Variants in CNBD1 observed in about 807,000 individuals in gnomAD.
CNBD1 encodes cyclic nucleotide binding domain containing 1, also known as cyclic nucleotide-binding domain-containing protein 1.
In CNBD1, 71 loss-of-function variants were observed where a neutral mutation model predicts 54.4. That is an observed-to-expected ratio of 1.30 (90% CI 1.08 to 1.59). CNBD1 has a LOEUF of 1.59. Ranked by LOEUF, CNBD1 falls within the 40% of genes most tolerant of loss-of-function variation. The pLI, the probability that CNBD1 is intolerant of heterozygous loss-of-function variation, is 0.00. For synonymous variants in CNBD1, 182 were observed against 170.7 expected, an observed-to-expected ratio of 1.07 and a Z score of -0.51; for missense variants, 659 against 518.0, an observed-to-expected ratio of 1.27 and a Z score of -2.64.
intron 2 of CNBD1, among the ~76,000 whole-genome samples, chr8:87,412,290 A>T (rs1197808602): frequency 6.6e-6 from 1 of 152,116 alleles, no homozygotes; most frequent in Non-Finnish European, 1.5e-5. Context: ...TCTAAATGTT[A>T]AAACTAAGAT....
downstream of CNBD1, among the ~76,000 whole-genome samples, chr8:87,385,583 G>A (rs533535189): frequency 4.3e-4 from 65 of 152,154 alleles, no homozygotes; most frequent in South Asian, 2.5e-3. Context: ...GGCGCCCACC[G>A]TTGCCGAGGC....
rs892209519 is a variant in CNBD1 at position 87,163,444 on chromosome 8, C to T, written c.432-42549C>T. ...ATAATTTAATATTAATTTCTTCAAC[C>T]CATGAATACAAGGTATCTTTCCATT... On this transcript the variant is annotated intron_variant, in intron 4 of 10. Transcript: ENST00000518476. The surrounding 1 kb of genome is among the most constrained non-coding windows in gnomAD (Gnocchi z 4.5). Among the ~76,000 whole-genome samples the T allele has an allele frequency of 4.0e-5, 6 of 151,834 alleles. No individual in the cohort carries two copies. The highest frequency in any genetic ancestry group is 1.5e-4 in the African/African-American group (6 of 41,374).
At chr8:87,092,104 G>A (rs1323802862) in intron 4 of CNBD1, among the ~76,000 whole-genome samples, 1 of 152,098 alleles carries the variant, frequency 6.6e-6, no homozygotes, top group Non-Finnish European at 1.5e-5. Context: ...GAGGAGCAAA[G>A]ACATAGCAAG....
At chr8:87,013,520 C>A (rs565215959) in intron 4 of CNBD1, among the ~76,000 whole-genome samples, 58 of 151,590 alleles carry the variant, frequency 3.8e-4, no homozygotes, top group African/African-American at 1.4e-3. Flanking sequence ...TCTCTATTTT[C>A]TTTTCTGCTT....
rs139106100 is a variant in CNBD1 at position 87,256,320 on chromosome 8, C to A, written c.771+19208C>A. Among the ~76,000 whole-genome samples, 597 of 151,542 alleles carry A rather than the reference C, an allele frequency of 3.9e-3. 3 individuals are homozygous for A. Among genetic ancestry groups the A allele is most frequent in the African/African-American group, 0.014 (563 of 41,288 alleles). On this transcript the variant is annotated intron_variant, in intron 6 of 10. Coordinates refer to ENST00000518476, the MANE Select transcript of CNBD1 (RefSeq NM_173538.3). The stretch of plus-strand genomic sequence containing the variant: ...TACAGGTATGAGCCACTGTGCCTGG[C>A]CCAAAAATATACTTTTAAATTAAGA...
chr8:87,075,116 A>G (rs972679634), intron 4 of CNBD1, among the ~76,000 whole-genome samples: 1 of 152,190 alleles, frequency 6.6e-6, no homozygotes, highest in African/African-American at 2.4e-5. Flanking sequence ...GCACTATGGC[A>G]CATAGTGAGC....
intron 4 of CNBD1, among the ~76,000 whole-genome samples, chr8:87,028,439 G>C (rs1441109709): frequency 1.3e-5 from 2 of 152,170 alleles, no homozygotes; most frequent in African/African-American, 2.4e-5. Flanking sequence ...TCTATTACCA[G>C]AACACCAGGA....
chr8:87,207,453 G>C (rs754465609), intron 5 of CNBD1, among the ~76,000 whole-genome samples: 3 of 148,240 alleles, frequency 2.0e-5, no homozygotes, highest in African/African-American at 7.4e-5. Context: ...TATGCACATA[G>C]ACACACACAC....
chr8:87,134,948 C>G (rs935739559), intron 4 of CNBD1, among the ~76,000 whole-genome samples: 3 of 152,008 alleles, frequency 2.0e-5, no homozygotes, highest in Non-Finnish European at 4.4e-5. Context: ...TTAAAAAATT[C>G]TGCGCTATTG....
intron 3 of CNBD1, among the ~76,000 whole-genome samples, chr8:86,912,783 A>G (rs939851760): frequency 6.6e-5 from 10 of 152,284 alleles, no homozygotes; most frequent in Middle Eastern, 3.4e-3. Context: ...CATTGTTATC[A>G]TAGGAAATGA....
At chr8:87,056,831 A>G (rs544974311) in intron 4 of CNBD1, among the ~76,000 whole-genome samples, 1 of 152,324 alleles carries the variant, frequency 6.6e-6, no homozygotes, top group African/African-American at 2.4e-5. Flanking sequence ...CAACTAGAAG[A>G]CTTAATTTAT....
chr8:87,051,736 A>G (rs2130624555), intron 4 of CNBD1, among the ~76,000 whole-genome samples: 1 of 152,264 alleles, frequency 6.6e-6, no homozygotes, highest in Non-Finnish European at 1.5e-5. Context: ...CCCTGGGTGG[A>G]CCAGGTGTTC....
chr8:86,940,461 C>G lies in CNBD1; in HGVS notation c.431+707C>G, dbSNP rs34552117. Among the ~76,000 whole-genome samples the G allele has an allele frequency of 7.4e-3, 1,124 of 152,234 alleles. 6 individuals carry two copies. Among genetic ancestry groups the G allele is most frequent in the Non-Finnish European group, 0.012 (821 of 68,024 alleles). Reference sequence around the variant, plus strand: ...GATTACAGGTGTGAGCTTCCGCACCCGGCCCCATTCCTTTTAATTTTCTAG... The same window carrying G: ...GATTACAGGTGTGAGCTTCCGCACCGGGCCCCATTCCTTTTAATTTTCTAG... On this transcript the variant is annotated intron_variant, in intron 4 of 10. Transcript: ENST00000518476.
At chr8:87,219,118 G>C (rs937487392) in intron 5 of CNBD1, among the ~76,000 whole-genome samples, 1 of 151,942 alleles carries the variant, frequency 6.6e-6, no homozygotes, top group African/African-American at 2.4e-5. Context: ...TTTTAAATCT[G>C]ACTTCAAATT....
intron 4 of CNBD1, among the ~76,000 whole-genome samples, chr8:87,075,123 G>A (rs1810841579): frequency 6.6e-6 from 1 of 152,146 alleles, no homozygotes; most frequent in Admixed American, 6.5e-5. Flanking sequence ...GGCACATAGT[G>A]AGCATATATG....
At chr8:87,284,641 G>T (rs368332557) in intron 6 of CNBD1, 37 bp from the exon 7 acceptor site, 46 of 1,554,204 alleles carry the variant, frequency 3.0e-5, no homozygotes, top group Non-Finnish European at 3.8e-5. Flanking sequence ...GTTGATGAGT[G>T]GTAATAAACA....
At chr8:86,975,026 A>G (rs1808310701) in intron 4 of CNBD1, among the ~76,000 whole-genome samples, 1 of 152,072 alleles carries the variant, frequency 6.6e-6, no homozygotes, top group Non-Finnish European at 1.5e-5. Context: ...AGGCACAGAT[A>G]AAATGAAAAT....
chr8:87,379,796 A>C (rs934297023), intron 10 of CNBD1, among the ~76,000 whole-genome samples: 12 of 152,112 alleles, frequency 7.9e-5, no homozygotes, highest in African/African-American at 2.6e-4. Context: ...AATTTTCTAA[A>C]AAATGAAATA....
chr8:86,938,896 T>G (rs1407262254), intron 3 of CNBD1, among the ~76,000 whole-genome samples: 1 of 152,240 alleles, frequency 6.6e-6, no homozygotes, highest in African/African-American at 2.4e-5. Context: ...ATCTTATATT[T>G]AATTTTAATC....
Sources: allele counts gnomAD v4.1 joint callset (sites outside exome capture counted in the v4.1 genomes callset), GRCh38; gene constraint gnomAD v4.1.1; non-coding constraint Gnocchi (gnomAD v3.1); transcripts MANE v1.5; gene names NCBI Gene and HGNC (gene_info 2026-07-23, HGNC 2026-07-21).